Variants in FLT3LG observed in about 807,000 individuals in gnomAD.
The protein encoded by FLT3LG is fms related receptor tyrosine kinase 3 ligand, also known as fms-related tyrosine kinase 3 ligand.
FLT3LG carries 8 observed loss-of-function variants against 30.9 expected under a neutral mutation model. That is an observed-to-expected ratio of 0.26 (90% CI 0.15 to 0.47). The LOEUF is 0.47. FLT3LG is among the 20% of genes least tolerant of loss of function. The probability of loss-of-function intolerance (pLI) is 0.99; values close to 1 mark genes in which losing one functional copy is unlikely to be tolerated. For missense variants in FLT3LG, 278 were observed against 306.2 expected (o/e 0.91, Z 0.69); for synonymous variants, 123 against 135.9 (o/e 0.91, Z 0.66).
chr19:49,479,924 C>A (rs993316423), intron 6 of FLT3LG, among the ~76,000 whole-genome samples: 1 of 152,044 alleles, frequency 6.6e-6, no homozygotes, highest in African/African-American at 2.4e-5. Flanking sequence ...TCTGCCTCAG[C>A]CTTCCGAGTA....
At chr19:49,483,393 G>A (rs528873987) in intron 8 of FLT3LG, among the ~76,000 whole-genome samples, 11 of 152,180 alleles carry the variant, frequency 7.2e-5, no homozygotes, top group Non-Finnish European at 1.3e-4. Context: ...TGGATTACAA[G>A]TGTAAGCCAC....
At chr19:49,480,498 G>A in intron 7 of FLT3LG, 22 bp downstream of exon 7, 4 of 1,597,560 alleles carry the variant, frequency 2.5e-6, no homozygotes, top group Non-Finnish European at 2.6e-6. Context: ...GGGAAGAGGG[G>A]GTGAGGGGGC....
In FLT3LG at chr19:49,476,815, G is replaced by C. The variant is rs2079410143; in HGVS notation, c.342+249G>C. 2.1e-6 allele frequency: 1 copy of C among 467,386 alleles called. No individual in the cohort carries two copies. 29.0% of individuals were successfully genotyped at this position (467,386 alleles called of 1,614,324 possible). A position where few individuals can be genotyped will look rare whatever the true frequency, so the allele number is the denominator to read the frequency against. On this transcript the variant is annotated intron_variant, in intron 5 of 8. Transcript: ENST00000597551. This position sits in a 1 kb window ranked among gnomAD's most constrained non-coding sequence, Gnocchi z 5.3. ...CCATGATGAAGGGTGCCACTGAGGG[G>C]TTCTTCCCCCAAAAAAAAACAGGGA...
intron 8 of FLT3LG, among the ~76,000 whole-genome samples, chr19:49,485,699 G>T (rs1456424529): frequency 6.6e-6 from 1 of 152,030 alleles, no homozygotes; most frequent in African/African-American, 2.4e-5. Context: ...TGTATTTTTA[G>T]TAGAGATGGG....
rs559695291 is a variant in FLT3LG at position 49,478,580 on chromosome 19, C to T, written c.343-329C>T. On this transcript the variant is annotated intron_variant, in intron 5 of 8. Transcript: ENST00000597551. The stretch of plus-strand genomic sequence containing the variant: ...CTGAGGTCAGGAGTTCGAGACCAGC[C>T]TGGCCAACATGGAGAAACCCCGTCT... Among the ~76,000 whole-genome samples, 86 of 152,222 alleles carry T rather than the reference C, an allele frequency of 5.6e-4. 1 individual carries two copies. In the South Asian group the frequency reaches 8.3e-3, roughly 15 times the overall value.
chr19:49,480,283 CCT>C lies in FLT3LG; in HGVS notation c.482-12_482-11del. 2 of 1,557,834 alleles carry C rather than the reference CCT, an allele frequency of 1.3e-6. No homozygotes were observed. The highest frequency in any genetic ancestry group is 1.7e-6 in the Non-Finnish European group (2 of 1,145,364). ...GCCCTTCTCCTTGGTCACCCAGCCT[CCT>C]CTTTCTCCCCAGACTCCTCAACCCT... is the stretch of plus-strand genomic sequence containing the variant. On this transcript the variant is annotated splice_polypyrimidine_tract_variant and intron_variant, in intron 6 of 8. Coordinates refer to ENST00000597551, the MANE Select transcript of FLT3LG (RefSeq NM_001459.4).
At position 49,474,291 on chromosome 19, in the gene FLT3LG, G is replaced by A; in HGVS notation, c.-38+10G>A. 1 of 454,348 alleles carries A rather than the reference G, an allele frequency of 2.2e-6. No homozygotes were observed. The highest frequency in any genetic ancestry group is 4.0e-6 in the Non-Finnish European group (1 of 251,712). The allele number at this position is 454,348 out of a possible 1,614,324, so 28.1% of individuals were successfully genotyped here. ...AACTGGGGCAAGCCTGGTGCGTGAG[G>A]AGACTTGGACTCTAGGTCCCCAAGG... On this transcript the variant is annotated intron_variant, in intron 1 of 8. Transcript: ENST00000597551.
At chr19:49,478,774 TTAAA>T in intron 5 of FLT3LG, 131 bp from the exon 6 acceptor site, 2 of 748,000 alleles carry the variant, frequency 2.7e-6, no homozygotes, top group East Asian at 3.3e-5. Context: ...AATTAATTAA[TTAAA>T]TAAATAAACT....
intron 6 of FLT3LG, among the ~76,000 whole-genome samples, 171 bp downstream of exon 6, chr19:49,479,218 G>A (rs868018598): frequency 2.1e-5 from 3 of 141,952 alleles, no homozygotes; most frequent in Middle Eastern, 7.7e-3. Context: ...TTTTTGAGAC[G>A]GAGTCTCGCA....
chr19:49,476,733 C>G lies in FLT3LG; in HGVS notation c.342+167C>G, dbSNP rs893419657. On this transcript the variant is annotated intron_variant, in intron 5 of 8. Coordinates refer to ENST00000597551, the MANE Select transcript of FLT3LG (RefSeq NM_001459.4). The surrounding 1 kb of genome is among the most constrained non-coding windows in gnomAD (Gnocchi z 5.3). Reference sequence around the variant, plus strand: ...CCTGTTCCTACAGAACAACACGTCCCCAGGCACCGGTGATGGGGAGCAGTC... The same window carrying G: ...CCTGTTCCTACAGAACAACACGTCCGCAGGCACCGGTGATGGGGAGCAGTC... The G allele has an allele frequency of 4.6e-6, 4 of 861,972 alleles. No homozygotes were observed. The highest frequency in any genetic ancestry group is 7.0e-6 in the Non-Finnish European group (4 of 571,312). 53.4% of individuals were successfully genotyped at this position (861,972 alleles called of 1,614,324 possible). A position where few individuals can be genotyped will look rare whatever the true frequency, so the allele number is the denominator to read the frequency against.
intron 6 of FLT3LG, chr19:49,479,761 C>G: frequency 6.3e-6 from 1 of 159,456 alleles, no homozygotes; most frequent in South Asian, 1.3e-4. Flanking sequence ...CCGCCTCGGC[C>G]TCCCAAAGTG....
rs1253793138 is a variant in FLT3LG, at chr19:49,475,821, A to AC, written c.144+25dup. On this transcript the variant is annotated intron_variant, in intron 3 of 8. Transcript: ENST00000597551. ...GAGCTGGTGAGCGGCGCTGCCCCGG[A>AC]CCCCCTCATGTGATCCCCCTTCCCC... is the stretch of plus-strand genomic sequence containing the variant. 1 of 1,133,942 alleles carries AC rather than the reference A, an allele frequency of 8.8e-7. No individual in the cohort carries two copies. Among genetic ancestry groups the AC allele is most frequent in the South Asian group, 1.2e-5 (1 of 81,724 alleles). The allele number at this position is 1,133,942 out of a possible 1,614,324, so 70.2% of individuals were successfully genotyped here. A position where few individuals can be genotyped will look rare whatever the true frequency, so the allele number is the denominator to read the frequency against.
At chr19:49,474,527 G>A (rs984662005) in intron 1 of FLT3LG, 76 bp from the exon 2 acceptor site, 52 of 1,057,586 alleles carry the variant, frequency 4.9e-5, no homozygotes, top group Middle Eastern at 5.9e-4. Flanking sequence ...CGCGGGAGGG[G>A]CGGGGAGGCA....
chr19:49,474,523 A>C, intron 1 of FLT3LG, 80 bp from the exon 2 acceptor site: 1 of 697,932 alleles, frequency 1.4e-6, no homozygotes, highest in South Asian at 1.8e-5. Context: ...GGGACGCGGG[A>C]GGGGCGGGGA....
In FLT3LG at chr19:49,474,261, C is replaced by G. The variant is rs1315559319; in HGVS notation, c.-58C>G. On this transcript the variant is annotated 5_prime_UTR_variant, in exon 1 of 9. Transcript: ENST00000597551. ...CTGTCACCCGGCTTGGCCCCTTCCA[C>G]ACCCAACTGGGGCAAGCCTGGTGCG... 3.8e-5 allele frequency: 13 copies of G among 340,566 alleles called. No individual in the cohort carries two copies. In the East Asian group the frequency reaches 5.8e-4, roughly 15 times the overall value. The allele number at this position is 340,566 out of a possible 1,614,324, so 21.1% of individuals were successfully genotyped here. A position where few individuals can be genotyped will look rare whatever the true frequency, so the allele number is the denominator to read the frequency against.
rs548187028 is a variant in FLT3LG at position 49,474,466 on chromosome 19, C to T, written c.-37-137C>T. 6.5e-4 allele frequency: 421 copies of T among 644,214 alleles called. 1 individual carries two copies. Among genetic ancestry groups the T allele is most frequent in the Non-Finnish European group, 1.1e-3 (383 of 361,312 alleles). 39.9% of individuals were successfully genotyped at this position (644,214 alleles called of 1,614,324 possible). A position where few individuals can be genotyped will look rare whatever the true frequency, so the allele number is the denominator to read the frequency against. On this transcript the variant is annotated intron_variant, in intron 1 of 8. Transcript: ENST00000597551. Reference sequence around the variant, plus strand: ...GAGTTTTCACCGTAACTGGGGCAGACGCAGGAAGCCTGGGGGAGGAAGGGG... The same window carrying T: ...GAGTTTTCACCGTAACTGGGGCAGATGCAGGAAGCCTGGGGGAGGAAGGGG...
Position 49,476,573 on chromosome 19 carries a change from C to T in FLT3LG, c.342+7C>T. 1 of 1,614,050 alleles carries T rather than the reference C, an allele frequency of 6.2e-7. No individual in the cohort carries two copies. Among genetic ancestry groups the T allele is most frequent in the Non-Finnish European group, 8.5e-7 (1 of 1,179,990 alleles). On this transcript the variant is annotated splice_region_variant and intron_variant, in intron 5 of 8. Transcript: ENST00000597551. The surrounding 1 kb of genome is among the most constrained non-coding windows in gnomAD (Gnocchi z 5.3). ...CACCAAATGTGCCTTTCAGGTCAGC[C>T]CTCAACTTAGGGGACAAGTGAGGGG...
intron 5 of FLT3LG, among the ~76,000 whole-genome samples, chr19:49,478,270 A>T (rs2079466465): frequency 6.6e-6 from 1 of 151,838 alleles, no homozygotes; most frequent in African/African-American, 2.4e-5. Flanking sequence ...GATCAAGACC[A>T]TCCTGGCTAA....
chr19:49,474,585 T>C lies in FLT3LG; in HGVS notation c.-37-18T>C, dbSNP rs2079307160. On this transcript the variant is annotated intron_variant, in intron 1 of 8. Transcript: ENST00000597551. ...TGGGGCATGAGGGTCCGAGACTTGTTCTTCTGTCCCTTCCAAGACCCGGCG... is the reference window on the plus strand; with the variant it reads ...TGGGGCATGAGGGTCCGAGACTTGTCCTTCTGTCCCTTCCAAGACCCGGCG... 1 of 1,594,918 alleles carries C rather than the reference T, an allele frequency of 6.3e-7. No homozygotes were observed. Among genetic ancestry groups the C allele is most frequent in the East Asian group, 2.3e-5 (1 of 44,408 alleles).
Sources: gnomAD v4.1 joint callset for allele counts (sites outside exome capture counted in the v4.1 genomes callset) on GRCh38, gnomAD v4.1.1 for gene constraint, Gnocchi (gnomAD v3.1) non-coding constraint, MANE v1.5 for transcripts, NCBI Gene and HGNC (gene_info 2026-07-23, HGNC 2026-07-21) for gene names.